The following EYS variants were observed in gnomAD, a reference collection of about 807,000 sequenced individuals.
EYS encodes EGF-like photoreceptor maintenance factor.
Under a neutral mutation model 282.1 loss-of-function variants are expected in EYS, and 250 were observed. That is an observed-to-expected ratio of 0.89 (90% confidence interval 0.80 to 0.98). The LOEUF is 0.98. EYS is among the 50% of genes least tolerant of loss of function. The pLI is 0.00. For missense variants in EYS, 4,016 were observed against 3,709.0 expected (o/e 1.08, Z -2.15); for synonymous variants, 1,355 against 1,282.9 (o/e 1.06, Z -1.20).
chr6:64,580,342 A>G (rs1257229178), intron 26 of EYS, among the ~76,000 whole-genome samples: 4 of 152,152 alleles, frequency 2.6e-5, no homozygotes, highest in Admixed American at 1.3e-4. Flanking sequence ...ATTCTATAGG[A>G]GAAGGATAAA....
At chr6:63,999,712 C>A (rs898413178) in intron 33 of EYS, among the ~76,000 whole-genome samples, 1 of 152,146 alleles carries the variant, frequency 6.6e-6, no homozygotes, top group Non-Finnish European at 1.5e-5. Flanking sequence ...GCTAATGTAT[C>A]GGCTGGTACT....
chr6:63,979,341 A>G (rs1167827763), intron 35 of EYS, among the ~76,000 whole-genome samples: 1 of 151,956 alleles, frequency 6.6e-6, no homozygotes, highest in Non-Finnish European at 1.5e-5. Context: ...GCCTTGGAAC[A>G]TGGAGGATAG....
rs922458147 is a variant in EYS at position 64,269,491 on chromosome 6, T to A, written c.6191+37479A>T. Reference sequence around the variant, plus strand: ...ATCCCTCTAGGTAATCTTTGAAAGATACCTAAAACCAACCAACCGACTATT... The same window carrying A: ...ATCCCTCTAGGTAATCTTTGAAAGAAACCTAAAACCAACCAACCGACTATT... On this transcript the variant is annotated intron_variant, in intron 30 of 42. Coordinates refer to ENST00000503581, the MANE Select transcript of EYS (RefSeq NM_001142800.2). Among the ~76,000 whole-genome samples the A allele has an allele frequency of 2.0e-5, 3 of 152,066 alleles. No individual in the cohort carries two copies. The East Asian group carries it at 5.8e-4, about 29-fold the overall frequency.
intron 22 of EYS, among the ~76,000 whole-genome samples, chr6:64,633,756 A>T (rs577431412): frequency 6.6e-6 from 1 of 152,076 alleles, no homozygotes; most frequent in Non-Finnish European, 1.5e-5. Flanking sequence ...AAACTCATGT[A>T]TCACTATAAA....
chr6:64,146,233 T>C (rs1489934754), intron 31 of EYS, among the ~76,000 whole-genome samples: 1 of 152,156 alleles, frequency 6.6e-6, no homozygotes, highest in African/African-American at 2.4e-5. Flanking sequence ...ATTTCAGGAA[T>C]ATTACCATCC....
intron 26 of EYS, among the ~76,000 whole-genome samples, chr6:64,548,838 AG>A (rs1035997214): frequency 4.6e-5 from 7 of 151,262 alleles, no homozygotes; most frequent in African/African-American, 1.7e-4. Context: ...TAAAAAAAAA[AG>A]AAAGAATAGC....
intron 21 of EYS, 133 bp from the exon 22 acceptor site, chr6:64,813,710 A>G (rs1433254466): frequency 3.8e-6 from 2 of 527,070 alleles, no homozygotes; most frequent in Non-Finnish European, 6.2e-6. Flanking sequence ...TCCTCTGTTA[A>G]TTGAAATATA....
At chr6:64,758,401 T>C (rs79622779) in intron 22 of EYS, among the ~76,000 whole-genome samples, 1 of 152,130 alleles carries the variant, frequency 6.6e-6, no homozygotes, top group Admixed American at 6.5e-5. Context: ...ACTACTGGGG[T>C]ACTACTGCTT....
intron 36 of EYS, among the ~76,000 whole-genome samples, chr6:63,850,822 C>A (rs1475667149): frequency 6.6e-6 from 1 of 152,148 alleles, no homozygotes; most frequent in Non-Finnish European, 1.5e-5. Flanking sequence ...TCACACATAA[C>A]AATATTAACC....
At chr6:65,262,281 C>G (rs1767641702) in intron 12 of EYS, among the ~76,000 whole-genome samples, 2 of 152,024 alleles carry the variant, frequency 1.3e-5, no homozygotes, top group Admixed American at 1.3e-4. Flanking sequence ...ATATTTTTCT[C>G]AATACATTAC....
intron 2 of EYS, among the ~76,000 whole-genome samples, chr6:65,514,229 C>A (rs1245193268): frequency 6.6e-6 from 1 of 151,978 alleles, no homozygotes; most frequent in Non-Finnish European, 1.5e-5. Context: ...ATCCAACTTA[C>A]AAGGGACGTG....
At chr6:65,654,955 C>T (rs1767766940) in intron 1 of EYS, among the ~76,000 whole-genome samples, 1 of 142,342 alleles carries the variant, frequency 7.0e-6, no homozygotes, top group South Asian at 2.2e-4. Flanking sequence ...TGCTTGTCTT[C>T]CTGAAGAGTC....
intron 19 of EYS, among the ~76,000 whole-genome samples, chr6:64,839,115 G>T (rs1039839465): frequency 6.6e-6 from 1 of 151,784 alleles, no homozygotes; most frequent in African/African-American, 2.4e-5. Flanking sequence ...AAAACATTTT[G>T]CTATACTTTT....
chr6:64,963,271 G>A (rs767192859), intron 14 of EYS, among the ~76,000 whole-genome samples: 11 of 152,054 alleles, frequency 7.2e-5, no homozygotes, highest in Non-Finnish European at 1.0e-4. Flanking sequence ...TTTCATTAGC[G>A]AAATTATTAT....
chr6:64,736,031 A>G (rs576755811), intron 22 of EYS, among the ~76,000 whole-genome samples: 37 of 152,198 alleles, frequency 2.4e-4, no homozygotes, highest in Non-Finnish European at 4.0e-4. Context: ...AATTGGTTGT[A>G]TGCTCGAAAA....
chr6:63,786,728 T>C (rs1427612852), intron 39 of EYS, among the ~76,000 whole-genome samples: 1 of 152,012 alleles, frequency 6.6e-6, no homozygotes, highest in Non-Finnish European at 1.5e-5. Flanking sequence ...AAAAAATATA[T>C]GGTGGCTTCC....
chr6:65,370,595 CA>C (rs1421867026), intron 8 of EYS, among the ~76,000 whole-genome samples: 1 of 151,716 alleles, frequency 6.6e-6, no homozygotes, highest in African/African-American at 2.4e-5. Flanking sequence ...AACCATAATG[CA>C]AATTTTTTTT....
chr6:64,934,507 CAAGA>C (rs1435887326), intron 15 of EYS, among the ~76,000 whole-genome samples: 5 of 151,682 alleles, frequency 3.3e-5, no homozygotes, highest in East Asian at 1.9e-4. Context: ...GTGATAGCAT[CAAGA>C]AAGAAAGTGA....
intron 18 of EYS, among the ~76,000 whole-genome samples, chr6:64,891,850 T>C (rs932965664): frequency 1.3e-5 from 2 of 152,036 alleles, no homozygotes; most frequent in African/African-American, 2.4e-5. Flanking sequence ...ATTAAGACCA[T>C]GAAATATGTA....
Sources: gnomAD v4.1 joint callset for allele counts (sites outside exome capture counted in the v4.1 genomes callset) on GRCh38, gnomAD v4.1.1 for gene constraint, MANE v1.5 for transcripts, NCBI Gene and HGNC (gene_info 2026-07-23, HGNC 2026-07-21) for gene names.